Variants in PIK3C2G observed in about 807,000 individuals in gnomAD.
PIK3C2G encodes the protein phosphatidylinositol-4-phosphate 3-kinase catalytic subunit type 2 gamma, also known as phosphatidylinositol 3-kinase C2 domain-containing subunit gamma.
PIK3C2G carries 168 observed loss-of-function variants against 181.1 expected under a neutral mutation model. The observed-to-expected ratio is 0.93, with a 90% CI of 0.82 to 1.05. The LOEUF (loss-of-function observed/expected upper bound fraction) is 1.05. Ranked by LOEUF, PIK3C2G falls within the 50% of genes least tolerant of loss-of-function variation. The pLI is 0.00. For synonymous variants in PIK3C2G, 573 were observed against 592.2 expected (o/e 0.97, Z 0.47); for missense variants, 1,869 against 1,732.8 (o/e 1.08, Z -1.40).
intron 15 of PIK3C2G, among the ~76,000 whole-genome samples, chr12:18,395,060 C>CTTCTTTCCCTGCCTCTTTCATTCCTTCT (rs1555177763): frequency 7.5e-6 from 1 of 133,276 alleles, no homozygotes; most frequent in East Asian, 2.3e-4. Flanking sequence ...TCTTTCCTTC[C>CTTCTTTCCCTGCCTCTTTCATTCCTTCT]TTCTTTCCCT....
At chr12:18,352,749 G>A (rs1940335909) in intron 11 of PIK3C2G, among the ~76,000 whole-genome samples, 1 of 152,164 alleles carries the variant, frequency 6.6e-6, no homozygotes, top group Non-Finnish European at 1.5e-5. Flanking sequence ...GATGGAGTGG[G>A]GAGGTAGTCT....
At chr12:18,652,746 T>C (rs1950570887), downstream of PIK3C2G, among the ~76,000 whole-genome samples, 1 of 152,170 alleles carries the variant, frequency 6.6e-6, no homozygotes, top group Non-Finnish European at 1.5e-5. Flanking sequence ...TCAGGCTTTT[T>C]ACATGTATAT....
intron 13 of PIK3C2G, among the ~76,000 whole-genome samples, chr12:18,377,436 A>C (rs1280552960): frequency 6.6e-6 from 1 of 152,188 alleles, no homozygotes; most frequent in Non-Finnish European, 1.5e-5. Flanking sequence ...AAAAAGTCTC[A>C]AAGTGTAAGA....
At chr12:18,685,229 G>T in the PIK3C2G span, among the ~76,000 whole-genome samples, 1 of 152,018 alleles carries the variant, frequency 6.6e-6, no homozygotes, top group Non-Finnish European at 1.5e-5. Flanking sequence ...CAAAGTTGAT[G>T]AATTTCAATC....
At chr12:18,502,842 G>A (rs951132116) in intron 22 of PIK3C2G, among the ~76,000 whole-genome samples, 7 of 152,066 alleles carry the variant, frequency 4.6e-5, no homozygotes, top group African/African-American at 1.4e-4. Context: ...TTTTTAACCC[G>A]AACATTGATT....
chr12:18,253,954 T>C (rs1053321537), intron 1 of PIK3C2G, among the ~76,000 whole-genome samples: 21 of 151,224 alleles, frequency 1.4e-4, no homozygotes, highest in Non-Finnish European at 2.7e-4. Context: ...CCAGCAACCC[T>C]AGAAGCCATA....
chr12:18,715,071 T>G, the PIK3C2G span, among the ~76,000 whole-genome samples: 1 of 151,034 alleles, frequency 6.6e-6, no homozygotes, highest in African/African-American at 2.4e-5. Context: ...ACCCAAGAAG[T>G]ACTTAGGTAA....
At chr12:18,472,823 C>G (rs1238851712) in intron 18 of PIK3C2G, among the ~76,000 whole-genome samples, 1 of 151,942 alleles carries the variant, frequency 6.6e-6, no homozygotes, top group African/African-American at 2.4e-5. Flanking sequence ...CCTAAGCTTC[C>G]CGAGTAGCTG....
chr12:18,254,766 T>G (rs1159256434), intron 1 of PIK3C2G, among the ~76,000 whole-genome samples: 1 of 151,922 alleles, frequency 6.6e-6, no homozygotes, highest in East Asian at 1.9e-4. Context: ...GCAAGAGAAT[T>G]GCTTGAACCC....
intron 29 of PIK3C2G, among the ~76,000 whole-genome samples, chr12:18,571,752 T>A (rs1437552710): frequency 1.3e-5 from 2 of 150,964 alleles, no homozygotes; most frequent in Middle Eastern, 6.8e-3. Context: ...ATTTCAATGA[T>A]CACTCTTATA....
chr12:18,574,011 A>T (rs1946108554), intron 29 of PIK3C2G, among the ~76,000 whole-genome samples: 1 of 152,148 alleles, frequency 6.6e-6, no homozygotes, highest in Admixed American at 6.5e-5. Context: ...ACACACACGT[A>T]CTCTATATAT....
At chr12:18,698,818 A>G in the PIK3C2G span, among the ~76,000 whole-genome samples, 1 of 152,190 alleles carries the variant, frequency 6.6e-6, no homozygotes, top group Non-Finnish European at 1.5e-5. Context: ...TAAATGTACA[A>G]TAAACTATTG....
chr12:18,719,794 T>C, the PIK3C2G span, among the ~76,000 whole-genome samples: 2 of 152,116 alleles, frequency 1.3e-5, no homozygotes, highest in Non-Finnish European at 2.9e-5. Context: ...GGAAACAAAT[T>C]TTTGTAGTAA....
chr12:18,305,983 T>A (rs1052948820), intron 5 of PIK3C2G, among the ~76,000 whole-genome samples: 1 of 151,990 alleles, frequency 6.6e-6, no homozygotes, highest in Non-Finnish European at 1.5e-5. Context: ...ATAGTTATGT[T>A]ACTACTTGTC....
chr12:18,534,789 G>A (rs115267496), intron 24 of PIK3C2G, among the ~76,000 whole-genome samples: 1,606 of 143,462 alleles, frequency 0.011, 31 homozygotes, highest in African/African-American at 0.039. Flanking sequence ...ATCAGTTTTA[G>A]AACATCAGGT....
chr12:18,666,932 A>G, the PIK3C2G span, among the ~76,000 whole-genome samples: 1 of 152,200 alleles, frequency 6.6e-6, no homozygotes, highest in Non-Finnish European at 1.5e-5. Context: ...TCTAGGAGGC[A>G]GGTTTCAGGG....
the PIK3C2G span, among the ~76,000 whole-genome samples, chr12:18,707,466 T>C: frequency 2.0e-5 from 3 of 152,178 alleles, no homozygotes; most frequent in Admixed American, 6.5e-5. Flanking sequence ...CTTTCTTTTA[T>C]CTTCCCTGGC....
At chr12:18,288,569 A>G (rs1047107792) in intron 3 of PIK3C2G, among the ~76,000 whole-genome samples, 2 of 152,198 alleles carry the variant, frequency 1.3e-5, no homozygotes, top group Non-Finnish European at 2.9e-5. Flanking sequence ...AGTACTTAGG[A>G]TTCCTAAATT....
intron 5 of PIK3C2G, among the ~76,000 whole-genome samples, chr12:18,310,724 C>A (rs1033886402): frequency 1.3e-5 from 2 of 151,434 alleles, no homozygotes; most frequent in Non-Finnish European, 3.0e-5. Context: ...AGAAGAGACT[C>A]AAAAATGGCT....
Sources: allele counts gnomAD v4.1 joint callset (sites outside exome capture counted in the v4.1 genomes callset), GRCh38; gene constraint gnomAD v4.1.1; transcripts MANE v1.5; gene names NCBI Gene and HGNC (gene_info 2026-07-23, HGNC 2026-07-21).